Variants in ATG2B observed in about 807,000 individuals in gnomAD.
ATG2B encodes the protein autophagy-related protein 2 homolog B.
ATG2B carries 121 observed loss-of-function variants against 241.3 expected under a neutral mutation model. The ratio of observed to expected loss-of-function variants is 0.50; its 90% CI spans 0.43 to 0.58. The LOEUF is 0.58. Among genes scored for constraint, ATG2B ranks in the 20% least tolerant of loss-of-function variants. The probability of loss-of-function intolerance (pLI) is 0.00; values close to 1 mark genes in which losing one functional copy is unlikely to be tolerated. For synonymous variants in ATG2B, 858 were observed against 876.6 expected (o/e 0.98, Z 0.37); for missense variants, 2,306 against 2,491.6 (o/e 0.93, Z 1.59).
intron 28 of ATG2B, among the ~76,000 whole-genome samples, chr14:96,310,560 T>C (rs1887122055): frequency 6.6e-6 from 1 of 152,160 alleles, no homozygotes; most frequent in South Asian, 2.1e-4. Context: ...AATATCTGGG[T>C]TTGTTGCTGT....
intron 5 of ATG2B, among the ~76,000 whole-genome samples, chr14:96,342,682 A>G (rs1337278754): frequency 2.0e-5 from 3 of 149,960 alleles, no homozygotes; most frequent in African/African-American, 4.9e-5. Flanking sequence ...AGATTGCGCC[A>G]CTGCACACCA....
chr14:96,302,158 T>A, intron 33 of ATG2B, 50 bp from the exon 34 acceptor site: 2 of 1,133,574 alleles, frequency 1.8e-6, no homozygotes, highest in Non-Finnish European at 2.6e-6. Flanking sequence ...TATGATGACC[T>A]TCTTCTCTTT....
Position 96,334,449 on chromosome 14 carries a change from T to C in ATG2B, c.977A>G (p.Gln326Arg), listed in dbSNP as rs1474212644. ...CAACATATCCAAAAGCAAGTGCACC[T>C]GTCTTGGTGACAGGAGTAGATGAAT... ...DSIHLLLSPRQVHLLLDMLAA... is the reference protein window; with the variant it reads ...DSIHLLLSPRRVHLLLDMLAA... The change falls in exon 7 of 42, where the codon CAG becomes CGG. Residue 326 changes from glutamine to arginine, a missense_variant. Around this residue, in one of 2 missense-constraint regions of ATG2B, gnomAD observed 1,927 missense variants for 2,011.2 expected, o/e 0.96. Transcript: ENST00000359933. The C allele has an allele frequency of 1.2e-6, 2 of 1,611,544 alleles. No individual in the cohort carries two copies. The highest frequency in any genetic ancestry group is 1.3e-5 in the African/African-American group (1 of 74,726).
At position 96,325,756 on chromosome 14, in the gene ATG2B, T is replaced by C; in HGVS notation, c.2330A>G (p.Lys777Arg). 6.2e-7 allele frequency: 1 copy of C among 1,614,020 alleles called. No homozygotes were observed. Among genetic ancestry groups the C allele is most frequent in the Non-Finnish European group, 8.5e-7 (1 of 1,179,960 alleles). ...RGPWFKKSLQ[K>R]EILYLAFTDL... ...TGTGAAGGCTAAATAAAGGATCTCC[T>C]TCTGAAGTGACTTCTTAAACCATGG... Residue 777 changes from lysine (K) to arginine (R), a missense_variant, in exon 15 of 42, where the codon AAG (lysine) becomes AGG (arginine). Around this residue, in one of 2 missense-constraint regions of ATG2B, gnomAD observed 1,927 missense variants for 2,011.2 expected, o/e 0.96. Coordinates refer to ENST00000359933, the MANE Select transcript of ATG2B (RefSeq NM_018036.7).
chr14:96,334,330 C>T, intron 7 of ATG2B, 75 bp downstream of exon 7: 2 of 849,306 alleles, frequency 2.4e-6, no homozygotes, highest in Non-Finnish European at 3.7e-6. Context: ...CCTACATGTA[C>T]ATACATTACA....
In ATG2B at chr14:96,291,690, A is replaced by G. The variant is rs760648185; in HGVS notation, c.5497-8T>C. The G allele has an allele frequency of 3.0e-5, 48 of 1,597,614 alleles. No homozygotes were observed. Among genetic ancestry groups the G allele is most frequent in the Non-Finnish European group, 3.8e-5 (44 of 1,168,926 alleles). ...AATCCCAGCTAGCGTACCCTTCAAA[A>G]TTAAAAAAGGCCAAATTAACCTTAC... On this transcript the variant is annotated splice_region_variant and splice_polypyrimidine_tract_variant and intron_variant, in intron 37 of 41. Coordinates refer to ENST00000359933, the MANE Select transcript of ATG2B (RefSeq NM_018036.7).
chr14:96,357,720 A>G (rs953836195), intron 1 of ATG2B, among the ~76,000 whole-genome samples: 1 of 151,732 alleles, frequency 6.6e-6, no homozygotes, highest in Non-Finnish European at 1.5e-5. Context: ...ACATTCCATT[A>G]AAAAAATGGC....
chr14:96,360,015 T>C (rs1201879541), intron 1 of ATG2B, among the ~76,000 whole-genome samples: 6 of 152,226 alleles, frequency 3.9e-5, no homozygotes, highest in African/African-American at 1.4e-4. Flanking sequence ...CTCAGTTGGA[T>C]GTTCCTTCCA....
rs937031901 is a variant in ATG2B at position 96,317,867 on chromosome 14, A to G, written c.2880-12T>C. 6.4e-7 allele frequency: 1 copy of G among 1,567,318 alleles called. No individual in the cohort carries two copies. Among genetic ancestry groups the G allele is most frequent in the South Asian group, 1.2e-5 (1 of 82,422 alleles). Reference sequence around the variant, plus strand: ...AGTCATTAAAGATCCTATAAAGACAAAAGTTGAAAAATAAGTACTTAACTC... The same window carrying G: ...AGTCATTAAAGATCCTATAAAGACAGAAGTTGAAAAATAAGTACTTAACTC... On this transcript the variant is annotated splice_polypyrimidine_tract_variant and intron_variant, in intron 18 of 41. Transcript: ENST00000359933.
chr14:96,302,995 G>C (rs1886833652), intron 33 of ATG2B, 66 bp downstream of exon 33: 3 of 1,238,070 alleles, frequency 2.4e-6, no homozygotes, highest in Non-Finnish European at 3.2e-6. Context: ...TAACTCTCCT[G>C]AAGTTAGATA....
chr14:96,313,257 G>T, intron 24 of ATG2B, 72 bp downstream of exon 24: 1 of 1,367,158 alleles, frequency 7.3e-7, no homozygotes, highest in South Asian at 1.3e-5. Flanking sequence ...TAACTCTACT[G>T]AATTATGTAT....
chr14:96,344,781 C>T (rs1435303600), intron 3 of ATG2B, 25 bp from the exon 4 acceptor site: 17 of 1,104,092 alleles, frequency 1.5e-5, no homozygotes, highest in East Asian at 5.1e-5. Flanking sequence ...TAATTGTCAA[C>T]GTAAGAGACC....
At chr14:96,354,172 C>T (rs1278760861) in intron 1 of ATG2B, among the ~76,000 whole-genome samples, 4 of 152,128 alleles carry the variant, frequency 2.6e-5, no homozygotes, top group South Asian at 4.1e-4. Flanking sequence ...ATGTGTAGTA[C>T]ATCCAGGTTT....
At chr14:96,297,391 T>TTTTTG (rs780525140) in intron 34 of ATG2B, among the ~76,000 whole-genome samples, 11 of 152,074 alleles carry the variant, frequency 7.2e-5, no homozygotes, top group South Asian at 2.1e-4. Flanking sequence ...TCACCAGCTT[T>TTTTTG]TTTTGTTTTG....
intron 29 of ATG2B, among the ~76,000 whole-genome samples, chr14:96,308,257 C>CATATATATAT (rs1229180497): frequency 3.0e-5 from 1 of 33,724 alleles, no homozygotes; most frequent in Non-Finnish European, 5.1e-5. Flanking sequence ...TATATACACA[C>CATATATATAT]ATATATATAT....
intron 35 of ATG2B, 143 bp downstream of exon 35, chr14:96,295,339 T>C: frequency 2.4e-6 from 2 of 832,954 alleles, no homozygotes; most frequent in South Asian, 1.9e-5. Context: ...ATAAACAGTA[T>C]TCGCGAATCA....
intron 1 of ATG2B, among the ~76,000 whole-genome samples, chr14:96,348,610 G>A (rs1326731781): frequency 6.6e-6 from 1 of 151,476 alleles, no homozygotes; most frequent in African/African-American, 2.4e-5. Context: ...TTGGACCCAG[G>A]AGGCGGAGGC....
At chr14:96,298,367 T>G (rs1250838517) in intron 34 of ATG2B, among the ~76,000 whole-genome samples, 2 of 152,234 alleles carry the variant, frequency 1.3e-5, no homozygotes, top group African/African-American at 4.8e-5. Flanking sequence ...GTTTGGCAGC[T>G]TCTTAAGAGA....
chr14:96,298,388 T>C (rs1886704733), intron 34 of ATG2B, among the ~76,000 whole-genome samples: 1 of 152,220 alleles, frequency 6.6e-6, no homozygotes, highest in South Asian at 2.1e-4. Flanking sequence ...GCTCAACATA[T>C]ACTTATCTTA....
Sources: allele counts gnomAD v4.1 joint callset (sites outside exome capture counted in the v4.1 genomes callset), GRCh38; gene constraint gnomAD v4.1.1; regional missense constraint gnomAD v4.1.1; transcripts MANE v1.5; gene names NCBI Gene and HGNC (gene_info 2026-07-23, HGNC 2026-07-21).